PHEX: variants seen among roughly 807,000 people sequenced by gnomAD.
The protein encoded by PHEX is phosphate regulating endopeptidase X-linked, also known as phosphate-regulating neutral endopeptidase PHEX.
Under a neutral mutation model 68.0 loss-of-function variants are expected in PHEX, and 16 were observed. That is an observed-to-expected ratio of 0.24 (90% confidence interval 0.16 to 0.36). The LOEUF is 0.36. PHEX is among the 10% of genes least tolerant of loss of function. The pLI is 1.00. For synonymous variants in PHEX, 208 were observed against 205.1 expected (o/e 1.01, Z -0.12); for missense variants, 480 against 575.5 (o/e 0.83, Z 1.70).
intron 11 of PHEX, among the ~76,000 whole-genome samples, 166 bp downstream of exon 11, chrX:22,114,752 A>G (rs774309886): frequency 3.6e-5 from 4 of 111,846 alleles, no homozygotes; most frequent in Non-Finnish European, 7.5e-5. Flanking sequence ...TCATCAAACG[A>G]GAGTGAGGAT....
At position 22,033,132 on chromosome X, in the gene PHEX, A is replaced by G. The variant is rs1186522736; in HGVS notation, c.118+9A>G. ...CACGATCCTCTTTCTAGGTAAGTGGAGTGCAGGAGGCCGGGGGAACTGGGT... is the reference window on the plus strand; with the variant it reads ...CACGATCCTCTTTCTAGGTAAGTGGGGTGCAGGAGGCCGGGGGAACTGGGT... On this transcript the variant is annotated intron_variant, in intron 1 of 21. Transcript: ENST00000379374. 28 of 1,124,487 alleles carry G rather than the reference A, an allele frequency of 2.5e-5. No individual in the cohort carries two copies. Among genetic ancestry groups the G allele is most frequent in the Non-Finnish European group, 3.3e-5 (27 of 815,889 alleles). The allele number at this position is 1,124,487 out of a possible 1,213,427, so 92.7% of individuals were successfully genotyped here.
chrX:22,067,118 T>C (rs1011291592), intron 3 of PHEX, among the ~76,000 whole-genome samples: 2 of 110,000 alleles, frequency 1.8e-5, no homozygotes, highest in African/African-American at 6.6e-5. Context: ...GGCACATGCC[T>C]GTGGTCCCAG....
chrX:22,185,025 C>T (rs1266932233), intron 14 of PHEX, among the ~76,000 whole-genome samples: 1 of 111,744 alleles, frequency 8.9e-6, no homozygotes, highest in African/African-American at 3.3e-5. Context: ...TGATGTATAT[C>T]TATTTTATAT....
chrX:22,165,254 G>C (rs1195874497), intron 12 of PHEX, among the ~76,000 whole-genome samples: 2 of 111,715 alleles, frequency 1.8e-5, no homozygotes, highest in Non-Finnish European at 3.8e-5. Context: ...TCTGGAGGCA[G>C]ATCTGGAGAT....
Position 22,150,737 on chromosome X carries a change from G to A in PHEX, c.1404+17113G>A, listed in dbSNP as rs1785063886. 2.7e-5 allele frequency among the ~76,000 whole-genome samples: 3 copies of A among 112,176 alleles called. No homozygotes were observed. In the South Asian group the frequency reaches 1.1e-3, roughly 42 times the overall value. The stretch of plus-strand genomic sequence containing the variant: ...CCTGTTTTGTTGGGCTGAATCTTAG[G>A]TAAGAATTAAATGGTTTTGAAAGAG... On this transcript the variant is annotated intron_variant, in intron 12 of 21. Coordinates refer to ENST00000379374, the MANE Select transcript of PHEX (RefSeq NM_000444.6).
chrX:22,050,157 C>T (rs1013528165), intron 3 of PHEX, among the ~76,000 whole-genome samples: 3 of 112,729 alleles, frequency 2.7e-5, no homozygotes, highest in African/African-American at 9.7e-5. Flanking sequence ...GACAGTTTGC[C>T]AATCCCTGAT....
chrX:22,179,567 A>T (rs1933820131), intron 14 of PHEX, among the ~76,000 whole-genome samples: 1 of 109,953 alleles, frequency 9.1e-6, no homozygotes, highest in Non-Finnish European at 1.9e-5. Context: ...CTTATGAGTA[A>T]GAACATACAA....
chrX:22,156,383 G>C (rs914179272), intron 12 of PHEX, among the ~76,000 whole-genome samples: 8 of 109,707 alleles, frequency 7.3e-5, no homozygotes, highest in Non-Finnish European at 1.1e-4. Flanking sequence ...GGGGATTTAC[G>C]ACAGTTGAAT....
rs1392778507 is a variant in PHEX, at chrX:22,111,577, T to A, written c.1173+17T>A. On this transcript the variant is annotated intron_variant, in intron 10 of 21. Coordinates refer to ENST00000379374, the MANE Select transcript of PHEX (RefSeq NM_000444.6). ...TTCTCAAGGGTAAGTTTAAGAAGATTGCAGTGTTACATCGCTGGATAACTT... is the reference window on the plus strand; with the variant it reads ...TTCTCAAGGGTAAGTTTAAGAAGATAGCAGTGTTACATCGCTGGATAACTT... The A allele has an allele frequency of 9.3e-7, 1 of 1,075,764 alleles. No homozygotes were observed. The highest frequency in any genetic ancestry group is 1.3e-6 in the Non-Finnish European group (1 of 770,988). 88.7% of individuals were successfully genotyped at this position (1,075,764 alleles called of 1,213,427 possible). A position where few individuals can be genotyped will look rare whatever the true frequency, so the allele number is the denominator to read the frequency against.
At chrX:22,092,612 A>C (rs1001655691) in intron 6 of PHEX, among the ~76,000 whole-genome samples, 1 of 110,153 alleles carries the variant, frequency 9.1e-6, no homozygotes, top group Admixed American at 9.7e-5. Flanking sequence ...GCCTCAAGTG[A>C]TCTGCCCACC....
At position 22,070,543 on chromosome X, in the gene PHEX, C is replaced by T. The variant is rs186855787; in HGVS notation, c.350-5845C>T. Among the ~76,000 whole-genome samples, 357 of 111,761 alleles carry T rather than the reference C, an allele frequency of 3.2e-3. 4 individuals carry two copies. The highest frequency in any genetic ancestry group is 8.8e-4 in the Non-Finnish European group (47 of 53,172). ...AAAATAAAAATAAAACAATTAGCCA[C>T]GGTGTGGTGGTGTGCACCTGTAGTC... On this transcript the variant is annotated intron_variant, in intron 3 of 21. Transcript: ENST00000379374.
chrX:22,072,214 G>A lies in PHEX; in HGVS notation c.350-4174G>A, dbSNP rs747666204. On this transcript the variant is annotated intron_variant, in intron 3 of 21. Transcript: ENST00000379374. ...CTGCACTCCAGCCTGGCGACAGAGC[G>A]AGACTCCATCTCAAAACAAACAAAC... 5.6e-5 allele frequency among the ~76,000 whole-genome samples: 6 copies of A among 107,614 alleles called. No homozygotes were observed. In the East Asian group the frequency reaches 1.2e-3, roughly 21 times the overall value. The allele number at this position is 107,614 out of a possible 115,157, so 93.4% of individuals were successfully genotyped here.
chrX:22,238,400 C>T (rs1936060039), intron 20 of PHEX, among the ~76,000 whole-genome samples: 1 of 111,622 alleles, frequency 9.0e-6, no homozygotes, highest in Non-Finnish European at 1.9e-5. Context: ...CAGTGCACTC[C>T]AGCCCAGCTA....
chrX:22,120,299 T>C (rs1358060269), intron 11 of PHEX, among the ~76,000 whole-genome samples: 1 of 111,385 alleles, frequency 9.0e-6, no homozygotes, highest in East Asian at 2.8e-4. Context: ...GCCCAGACAA[T>C]CTACATGGAA....
At chrX:22,093,351 G>A (rs1929986187) in intron 6 of PHEX, among the ~76,000 whole-genome samples, 2 of 111,993 alleles carry the variant, frequency 1.8e-5, no homozygotes, top group African/African-American at 6.5e-5. Flanking sequence ...CCCAAAATGG[G>A]TTTATGAGTA....
intron 13 of PHEX, among the ~76,000 whole-genome samples, chrX:22,173,792 A>T (rs1933616235): frequency 9.0e-6 from 1 of 111,521 alleles, no homozygotes; most frequent in Non-Finnish European, 1.9e-5. Context: ...AATGGATTTA[A>T]ATTAAATGAA....
intron 2 of PHEX, among the ~76,000 whole-genome samples, chrX:22,041,297 ATATATT>A (rs1927279638): frequency 1.1e-5 from 1 of 89,784 alleles, no homozygotes; most frequent in African/African-American, 4.2e-5. Flanking sequence ...ATATATATAT[ATATATT>A]TTAACCAGGC....
chrX:22,067,999 A>AT (rs912363473), intron 3 of PHEX, among the ~76,000 whole-genome samples: 18 of 106,011 alleles, frequency 1.7e-4, no homozygotes, highest in African/African-American at 4.5e-4. Context: ...TGCCCAGCTA[A>AT]TTTTTTTTTT....
intron 7 of PHEX, among the ~76,000 whole-genome samples, chrX:22,096,110 T>C (rs902094900): frequency 1.8e-5 from 2 of 111,474 alleles, no homozygotes; most frequent in Admixed American, 9.6e-5. Flanking sequence ...CGGAGAGTCA[T>C]GTGTGCAGTG....
Sources: allele counts gnomAD v4.1 joint callset (sites outside exome capture counted in the v4.1 genomes callset), GRCh38; gene constraint gnomAD v4.1.1; transcripts MANE v1.5; gene names NCBI Gene and HGNC (gene_info 2026-07-23, HGNC 2026-07-21).